The following SYMPK variants were observed in gnomAD, a reference collection of about 807,000 sequenced individuals.
The protein encoded by SYMPK is symplekin.
Under a neutral mutation model 136.4 loss-of-function variants are expected in SYMPK, and 49 were observed. The observed-to-expected ratio is 0.36, with a 90% CI of 0.29 to 0.46. The LOEUF (loss-of-function observed/expected upper bound fraction) is 0.46, where lower values mean the gene tolerates loss of function less well. SYMPK is among the 20% of genes least tolerant of loss of function. The pLI is 1.00. For synonymous variants in SYMPK, 766 were observed against 713.0 expected, an observed-to-expected ratio of 1.07 and a Z score of -1.19; for missense variants, 1,365 against 1,690.0, an observed-to-expected ratio of 0.81 and a Z score of 3.37.
At chr19:45,816,759 G>T in intron 24 of SYMPK, 39 bp downstream of exon 24, 1 of 1,494,390 alleles carries the variant, frequency 6.7e-7, no homozygotes, top group Non-Finnish European at 9.0e-7. Flanking sequence ...CGCACACCCT[G>T]GGTGGGGGGA....
chr19:45,827,739 AC>A (rs1356109137), intron 15 of SYMPK, 97 bp downstream of exon 15: 3 of 1,511,766 alleles, frequency 2.0e-6, no homozygotes, highest in East Asian at 2.3e-5. Context: ...CCCTCACAAA[AC>A]CCCCGGCCAC....
At chr19:45,820,196 A>AC (rs1274111575) in intron 22 of SYMPK, 2 of 151,974 alleles carry the variant, frequency 1.3e-5, no homozygotes, top group African/African-American at 2.4e-5. Flanking sequence ...GTATGTGTGA[A>AC]CCCCCTCAAA....
intron 17 of SYMPK, 137 bp from the exon 18 acceptor site, chr19:45,825,468 A>AGGGCAGGGAAATGGCGGG: frequency 8.9e-7 from 1 of 1,118,336 alleles, no homozygotes; most frequent in South Asian, 1.6e-5. Context: ...TAATTGTTCT[A>AGGGCAGGGAAATGGCGGG]GGGCAGGGAA....
intron 1 of SYMPK, among the ~76,000 whole-genome samples, chr19:45,859,735 C>G (rs565997201): frequency 1.3e-5 from 2 of 151,620 alleles, no homozygotes; most frequent in African/African-American, 4.8e-5. Context: ...TCAGGACTAG[C>G]CTAGGCCTAA....
rs1971607931 is a variant in SYMPK at position 45,847,962 on chromosome 19, C to G, written c.466G>C (p.Ala156Pro). ...KSRVISELQEACWDMVSAMAG... is the reference protein window; with the variant it reads ...KSRVISELQEPCWDMVSAMAG... ...ATGGCAGATACCATGTCCCAGCAGG[C>G]CTCCTGTAGCTCGCTAATGACCCGT... The change falls in exon 7 of 27, where the codon GCC becomes CCC. Residue 156 changes from alanine (A) to proline (P), a missense_variant. Coordinates refer to ENST00000245934, the MANE Select transcript of SYMPK (RefSeq NM_004819.3). 1 of 1,606,682 alleles carries G rather than the reference C, an allele frequency of 6.2e-7. No individual in the cohort carries two copies. The highest frequency in any genetic ancestry group is 8.5e-7 in the Non-Finnish European group (1 of 1,174,708).
At chr19:45,854,878 T>A (rs1047566619) in intron 1 of SYMPK, 89 of 188,114 alleles carry the variant, frequency 4.7e-4, no homozygotes, top group Non-Finnish European at 6.4e-5. Context: ...CAGCAAACTT[T>A]CTTTTTTTTT....
chr19:45,850,781 G>A (rs1165094857), intron 5 of SYMPK, among the ~76,000 whole-genome samples: 3 of 152,058 alleles, frequency 2.0e-5, no homozygotes, highest in Admixed American at 6.6e-5. Flanking sequence ...GTCAAGCCCC[G>A]TCCTCACAGA....
At position 45,842,332 on chromosome 19, in the gene SYMPK, G is replaced by A. The variant is rs755199392; in HGVS notation, c.1005C>T (p.Ile335=). Residue 335 remains isoleucine, a synonymous_variant, in exon 9 of 27, where the codon ATC becomes ATT. Coordinates refer to ENST00000245934, the MANE Select transcript of SYMPK (RefSeq NM_004819.3). The part of the protein sequence containing the change: ...LVDLGTPQAE[I]ARNMPSSKDT... ...CCTTGCTGCTCGGCATGTTGCGGGC[G>A]ATCTCGGCCTGAGGTGTGCCCAGGT... 1.4e-5 allele frequency: 23 copies of A among 1,614,100 alleles called. No homozygotes were observed. The East Asian group carries it at 1.8e-4, about 13-fold the overall frequency.
At chr19:45,853,542 GC>G in intron 3 of SYMPK, among the ~76,000 whole-genome samples, 1 of 151,968 alleles carries the variant, frequency 6.6e-6, no homozygotes, top group South Asian at 2.1e-4. Flanking sequence ...AGAGGCTGAG[GC>G]AGGAGTTGCA....
chr19:45,839,013 A>G (rs1971372699), intron 9 of SYMPK, among the ~76,000 whole-genome samples: 1 of 152,176 alleles, frequency 6.6e-6, no homozygotes, highest in African/African-American at 2.4e-5. Context: ...CAGCCTCCCA[A>G]GTAACTGGGA....
At chr19:45,833,895 T>C (rs558097046) in intron 11 of SYMPK, among the ~76,000 whole-genome samples, 2 of 152,314 alleles carry the variant, frequency 1.3e-5, no homozygotes, top group East Asian at 3.9e-4. Flanking sequence ...CTCACGCCTG[T>C]AATCCCAGCA....
chr19:45,840,240 G>T (rs934782478), intron 9 of SYMPK, among the ~76,000 whole-genome samples: 2 of 149,918 alleles, frequency 1.3e-5, no homozygotes, highest in Admixed American at 6.7e-5. Context: ...TCTTAAACCT[G>T]GGAGGCGGAG....
intron 23 of SYMPK, 84 bp from the exon 24 acceptor site, chr19:45,817,058 GACCAT>G: frequency 7.3e-7 from 1 of 1,379,234 alleles, no homozygotes; most frequent in Non-Finnish European, 9.8e-7. Flanking sequence ...ACCTTGCCAA[GACCAT>G]GCCCAAATCC....
chr19:45,851,062 C>T (rs1971685797), intron 5 of SYMPK, among the ~76,000 whole-genome samples: 1 of 151,956 alleles, frequency 6.6e-6, no homozygotes, highest in African/African-American at 2.4e-5. Context: ...GAGATGAAGC[C>T]GAAGTGAGAG....
At chr19:45,860,446 G>T (rs954142268) in intron 1 of SYMPK, among the ~76,000 whole-genome samples, 7 of 147,606 alleles carry the variant, frequency 4.7e-5, no homozygotes, top group African/African-American at 1.8e-4. Context: ...CAACAAGAGT[G>T]AAACTGCGTT....
chr19:45,827,177 C>T (rs930983223), intron 16 of SYMPK, among the ~76,000 whole-genome samples: 1 of 152,138 alleles, frequency 6.6e-6, no homozygotes, highest in Non-Finnish European at 1.5e-5. Flanking sequence ...CAGGCCCCGG[C>T]ACAGGACTGG....
chr19:45,848,615 T>C, intron 6 of SYMPK, 135 bp downstream of exon 6: 1 of 1,236,308 alleles, frequency 8.1e-7, no homozygotes, highest in Non-Finnish European at 1.1e-6. Flanking sequence ...CTCTCCATGT[T>C]ATCTGTTCCC....
At chr19:45,836,402 G>A (rs981134818) in intron 10 of SYMPK, among the ~76,000 whole-genome samples, 24 of 151,878 alleles carry the variant, frequency 1.6e-4, no homozygotes, top group African/African-American at 5.3e-4. Flanking sequence ...AGGCTGAGGT[G>A]GGCGGATCAC....
chr19:45,834,352 G>A (rs776101928), intron 11 of SYMPK, among the ~76,000 whole-genome samples: 11 of 152,108 alleles, frequency 7.2e-5, no homozygotes, highest in South Asian at 2.1e-4. Flanking sequence ...CCAGCTACTC[G>A]GGAGGCTGAG....
Sources: gnomAD v4.1 joint callset for allele counts (sites outside exome capture counted in the v4.1 genomes callset) on GRCh38, gnomAD v4.1.1 for gene constraint, MANE v1.5 for transcripts, NCBI Gene and HGNC (gene_info 2026-07-23, HGNC 2026-07-21) for gene names.